Variants in TP63 observed in about 807,000 individuals in gnomAD.
The protein encoded by TP63 is tumor protein p63.
TP63 carries 17 observed loss-of-function variants against 82.8 expected under a neutral mutation model. The observed-to-expected ratio is 0.21, with a 90% CI of 0.14 to 0.31. The LOEUF (loss-of-function observed/expected upper bound fraction) is 0.31, where lower values mean the gene tolerates loss of function less well. Among genes scored for constraint, TP63 ranks in the 10% least tolerant of loss-of-function variants. The pLI, the probability that TP63 is intolerant of heterozygous loss-of-function variation, is 1.00. For missense variants in TP63, 648 were observed against 895.3 expected (o/e 0.72, Z 3.52); for synonymous variants, 330 against 321.7 (o/e 1.03, Z -0.28).
chr3:189,858,029 C>T (rs183597926), intron 4 of TP63, among the ~76,000 whole-genome samples: 4 of 152,350 alleles, frequency 2.6e-5, no homozygotes, highest in African/African-American at 9.6e-5. Flanking sequence ...GATATCTTCA[C>T]TCCTGTTTAT....
chr3:189,813,520 G>A (rs1727809789), intron 4 of TP63, among the ~76,000 whole-genome samples: 2 of 151,916 alleles, frequency 1.3e-5, no homozygotes, highest in African/African-American at 4.8e-5. Context: ...ACCTTTGCCA[G>A]TTGGAGAGCT....
intron 3 of TP63, among the ~76,000 whole-genome samples, chr3:189,768,576 A>G (rs1203328123): frequency 6.6e-6 from 1 of 152,174 alleles, no homozygotes; most frequent in Non-Finnish European, 1.5e-5. Context: ...TCAACACACT[A>G]TTATTAAACA....
intron 3 of TP63, among the ~76,000 whole-genome samples, chr3:189,799,560 G>A (rs1726069627): frequency 6.6e-6 from 1 of 152,122 alleles, no homozygotes; most frequent in South Asian, 2.1e-4. Flanking sequence ...TTTTAAGGAA[G>A]TAGAAGCTCA....
At chr3:189,690,781 T>A (rs150615978) in intron 1 of TP63, among the ~76,000 whole-genome samples, 1 of 152,184 alleles carries the variant, frequency 6.6e-6, no homozygotes, top group Admixed American at 6.5e-5. Flanking sequence ...CAATTTCTGA[T>A]CATTACTGGA....
chr3:189,838,240 TTTCC>T (rs1713433796), intron 4 of TP63, among the ~76,000 whole-genome samples: 1 of 152,188 alleles, frequency 6.6e-6, no homozygotes, highest in African/African-American at 2.4e-5. Context: ...TCTTCACCTG[TTTCC>T]TTCCTTCCTT....
At chr3:189,752,904 G>T (rs1454347492) in intron 3 of TP63, among the ~76,000 whole-genome samples, 1 of 151,846 alleles carries the variant, frequency 6.6e-6, no homozygotes. Flanking sequence ...CTTCCTCTTT[G>T]ACCCATAAGT....
At chr3:189,701,598 A>C (rs1474617710) in intron 1 of TP63, among the ~76,000 whole-genome samples, 1 of 150,044 alleles carries the variant, frequency 6.7e-6, no homozygotes, top group Admixed American at 6.7e-5. Flanking sequence ...TTCAGCAGGA[A>C]ATGTGGGAGG....
intron 4 of TP63, among the ~76,000 whole-genome samples, chr3:189,862,142 C>T (rs2138246): frequency 0.99 from 150,887 of 152,294 alleles, 74,751 homozygotes; most frequent in East Asian, 1. Flanking sequence ...TGGATACATT[C>T]ATATGTTATG....
At chr3:189,781,005 G>C (rs1724186551) in intron 3 of TP63, among the ~76,000 whole-genome samples, 1 of 152,064 alleles carries the variant, frequency 6.6e-6, no homozygotes, top group Non-Finnish European at 1.5e-5. Context: ...TGAGGGACTG[G>C]TGTCCTTTAT....
At chr3:189,862,049 C>T (rs376256651) in intron 4 of TP63, among the ~76,000 whole-genome samples, 10 of 152,116 alleles carry the variant, frequency 6.6e-5, no homozygotes, top group African/African-American at 2.4e-4. Context: ...ACCCAGGTTT[C>T]GTAGTCATTT....
At chr3:189,760,941 C>A (rs549684611) in intron 3 of TP63, among the ~76,000 whole-genome samples, 2 of 152,320 alleles carry the variant, frequency 1.3e-5, no homozygotes, top group East Asian at 1.9e-4. Flanking sequence ...GAGGCTTGCA[C>A]CCTCTGAGGC....
intron 1 of TP63, among the ~76,000 whole-genome samples, chr3:189,735,186 C>T (rs1296821651): frequency 6.6e-6 from 1 of 152,268 alleles, no homozygotes; most frequent in South Asian, 2.1e-4. Flanking sequence ...CCATAAACTT[C>T]TCAGGGTCTG....
At chr3:189,693,719 TA>T in intron 1 of TP63, among the ~76,000 whole-genome samples, 1 of 152,128 alleles carries the variant, frequency 6.6e-6, no homozygotes, top group East Asian at 1.9e-4. Flanking sequence ...GAGGTAGAGG[TA>T]AATAAAACAA....
intron 12 of TP63, 128 bp downstream of exon 12, chr3:189,889,612 C>T: frequency 7.9e-7 from 1 of 1,270,850 alleles, no homozygotes. Flanking sequence ...AGTTCAGTCA[C>T]TATTATCTCT....
intron 5 of TP63, among the ~76,000 whole-genome samples, chr3:189,866,178 T>TGCAG (rs1328214388): frequency 6.6e-6 from 1 of 152,186 alleles, no homozygotes; most frequent in Non-Finnish European, 1.5e-5. Context: ...TTCTTATCTT[T>TGCAG]ATAATCAACA....
chr3:189,614,555 T>C, the TP63 span, among the ~76,000 whole-genome samples: 2 of 152,214 alleles, frequency 1.3e-5, no homozygotes, highest in African/African-American at 4.8e-5. Context: ...TCTTTATTTC[T>C]TTTCTTCTGG....
intron 3 of TP63, among the ~76,000 whole-genome samples, chr3:189,801,503 C>T (rs1726302429): frequency 6.6e-6 from 1 of 152,030 alleles, no homozygotes; most frequent in African/African-American, 2.4e-5. Flanking sequence ...GGAGTATGTA[C>T]TAAAATAATA....
chr3:189,739,396 G>A (rs1720819256), intron 3 of TP63, among the ~76,000 whole-genome samples: 1 of 152,204 alleles, frequency 6.6e-6, no homozygotes, highest in South Asian at 2.1e-4. Flanking sequence ...GATTACAGGT[G>A]TGAGCCACTG....
chr3:189,695,845 T>A (rs1359380421), intron 1 of TP63, among the ~76,000 whole-genome samples: 1 of 152,222 alleles, frequency 6.6e-6, no homozygotes, highest in East Asian at 1.9e-4. Flanking sequence ...AATAATTTTA[T>A]CAAGTAAAGT....
Sources: allele counts gnomAD v4.1 joint callset (sites outside exome capture counted in the v4.1 genomes callset), GRCh38; gene constraint gnomAD v4.1.1; transcripts MANE v1.5; gene names NCBI Gene and HGNC (gene_info 2026-07-23, HGNC 2026-07-21).